The following CDKAL1 variants were observed in gnomAD, a reference collection of about 807,000 sequenced individuals.
CDKAL1 encodes CDKAL1 threonylcarbamoyladenosine tRNA methylthiotransferase, also known as threonylcarbamoyladenosine tRNA methylthiotransferase.
CDKAL1 carries 32 observed loss-of-function variants against 68.2 expected under a neutral mutation model. The ratio of observed to expected loss-of-function variants is 0.47; its 90% confidence interval spans 0.35 to 0.63. CDKAL1 has a LOEUF of 0.63. Ranked by LOEUF, CDKAL1 falls within the 30% of genes least tolerant of loss-of-function variation. The pLI, the probability that CDKAL1 is intolerant of heterozygous loss-of-function variation, is 0.00. For synonymous variants in CDKAL1, 234 were observed against 244.3 expected (o/e 0.96, Z 0.39); for missense variants, 606 against 696.7 (o/e 0.87, Z 1.47).
chr6:21,047,661 A>G (rs1207686214), intron 11 of CDKAL1, among the ~76,000 whole-genome samples: 1 of 152,170 alleles, frequency 6.6e-6, no homozygotes, highest in African/African-American at 2.4e-5. Flanking sequence ...ATCCTTGTCC[A>G]CCAGGTGCTT....
intron 9 of CDKAL1, among the ~76,000 whole-genome samples, chr6:20,857,251 A>T (rs994812946): frequency 1.3e-5 from 2 of 152,198 alleles, no homozygotes. Context: ...CTCTTAGTTA[A>T]TCATTTCTGG....
At chr6:20,548,561 T>G in intron 3 of CDKAL1, 32 bp from the exon 4 acceptor site, 1 of 1,008,050 alleles carries the variant, frequency 9.9e-7, no homozygotes, top group South Asian at 1.4e-5. Context: ...TCAATGAAAC[T>G]TACTTTTTTT....
chr6:20,821,986 G>A (rs1777300010), intron 8 of CDKAL1, among the ~76,000 whole-genome samples: 1 of 152,166 alleles, frequency 6.6e-6, no homozygotes, highest in African/African-American at 2.4e-5. Context: ...CCCATTGCCT[G>A]CTTTTGTAAA....
intron 5 of CDKAL1, among the ~76,000 whole-genome samples, chr6:20,696,542 G>C (rs1435371950): frequency 1.3e-5 from 2 of 152,134 alleles, no homozygotes; most frequent in African/African-American, 4.8e-5. Context: ...TTTTATCTCT[G>C]TCCATGGGTT....
At chr6:21,230,822 T>A (rs1779941524) in intron 15 of CDKAL1, 26 bp from the exon 16 acceptor site, 3 of 1,545,124 alleles carry the variant, frequency 1.9e-6, no homozygotes, top group Non-Finnish European at 2.6e-6. Context: ...TAAAAATAAT[T>A]TTTTCCTCTG....
chr6:21,026,674 T>C (rs1316956769), intron 11 of CDKAL1, among the ~76,000 whole-genome samples: 1 of 152,210 alleles, frequency 6.6e-6, no homozygotes, highest in East Asian at 1.9e-4. Flanking sequence ...GGCAGACTTT[T>C]ATGATACATT....
intron 8 of CDKAL1, among the ~76,000 whole-genome samples, chr6:20,786,065 A>T (rs1775657903): frequency 6.6e-6 from 1 of 152,124 alleles, no homozygotes. Flanking sequence ...TACTAAAAAT[A>T]CAAAAATTAG....
chr6:20,892,563 T>G (rs922362797), intron 9 of CDKAL1, among the ~76,000 whole-genome samples: 1 of 152,090 alleles, frequency 6.6e-6, no homozygotes, highest in Non-Finnish European at 1.5e-5. Context: ...GAGGATGAAT[T>G]ATACCGTATT....
chr6:20,654,091 C>T (rs1768906802), intron 5 of CDKAL1, among the ~76,000 whole-genome samples: 2 of 151,724 alleles, frequency 1.3e-5, no homozygotes, highest in Admixed American at 1.3e-4. Flanking sequence ...CTGTGTTGGC[C>T]AGGCTGATCT....
intron 8 of CDKAL1, among the ~76,000 whole-genome samples, chr6:20,810,836 C>T (rs1776785694): frequency 6.6e-6 from 1 of 151,914 alleles, no homozygotes; most frequent in Non-Finnish European, 1.5e-5. Context: ...TGTTCATTCG[C>T]CCTCTTTATC....
intron 11 of CDKAL1, among the ~76,000 whole-genome samples, chr6:21,014,312 A>G (rs974280995): frequency 1.3e-5 from 2 of 152,180 alleles, no homozygotes; most frequent in African/African-American, 4.8e-5. Context: ...GTATGTCTAA[A>G]AAGTTCTCGG....
At chr6:20,659,482 T>G (rs1769185540) in intron 5 of CDKAL1, among the ~76,000 whole-genome samples, 1 of 152,198 alleles carries the variant, frequency 6.6e-6, no homozygotes, top group Non-Finnish European at 1.5e-5. Context: ...GTTCAAAATA[T>G]TAGACTGAAT....
chr6:20,784,188 G>C (rs564692757), intron 8 of CDKAL1, among the ~76,000 whole-genome samples: 4 of 150,844 alleles, frequency 2.7e-5, no homozygotes, highest in Non-Finnish European at 4.4e-5. Flanking sequence ...ACTCCAGCCT[G>C]GAGATAGAGC....
At chr6:20,704,134 G>A (rs1184806611) in intron 5 of CDKAL1, among the ~76,000 whole-genome samples, 2 of 152,080 alleles carry the variant, frequency 1.3e-5, no homozygotes, top group Non-Finnish European at 2.9e-5. Context: ...AGCTTATGTG[G>A]GTAGGGAGAG....
chr6:20,631,931 T>A (rs1484454410), intron 4 of CDKAL1, among the ~76,000 whole-genome samples: 2 of 152,204 alleles, frequency 1.3e-5, no homozygotes, highest in Non-Finnish European at 2.9e-5. Flanking sequence ...CTGTAAACAT[T>A]TTGGTGCATT....
intron 9 of CDKAL1, among the ~76,000 whole-genome samples, chr6:20,949,198 A>G (rs1764404631): frequency 1.3e-5 from 2 of 152,200 alleles, no homozygotes; most frequent in African/African-American, 4.8e-5. Context: ...CCTGTAAGTG[A>G]AAAGCTGGTT....
At chr6:20,601,274 T>C (rs1414403665) in intron 4 of CDKAL1, among the ~76,000 whole-genome samples, 1 of 152,188 alleles carries the variant, frequency 6.6e-6, no homozygotes, top group African/African-American at 2.4e-5. Flanking sequence ...TCATCCAATG[T>C]CATTGATTAC....
chr6:20,713,078 A>G (rs1325259000), intron 5 of CDKAL1, among the ~76,000 whole-genome samples: 1 of 152,190 alleles, frequency 6.6e-6, no homozygotes, highest in Non-Finnish European at 1.5e-5. Flanking sequence ...TGATGCCTGT[A>G]ATGAGAAGTG....
rs371228203 is a variant in CDKAL1 at position 20,563,641 on chromosome 6, C to T, written c.286+14936C>T. Among the ~76,000 whole-genome samples, 42 of 151,274 alleles carry T rather than the reference C, an allele frequency of 2.8e-4. No individual in the cohort carries two copies. The Middle Eastern group carries it at 0.01, about 38-fold the overall frequency. On this transcript the variant is annotated intron_variant, in intron 4 of 15. Coordinates refer to ENST00000274695, the MANE Select transcript of CDKAL1 (RefSeq NM_017774.3). The stretch of plus-strand genomic sequence containing the variant: ...GGATTACAGGCATGAGCCACCACAC[C>T]TAGCCAACGAGGGCTTTTTTTTTTT...
Sources: allele counts gnomAD v4.1 joint callset (sites outside exome capture counted in the v4.1 genomes callset), GRCh38; gene constraint gnomAD v4.1.1; transcripts MANE v1.5; gene names NCBI Gene and HGNC (gene_info 2026-07-23, HGNC 2026-07-21).